Variants in TRAPPC9 observed in about 807,000 individuals in gnomAD.
TRAPPC9 encodes IKK2 binding protein.
In TRAPPC9, 83 loss-of-function variants were observed where a neutral mutation model predicts 124.0. That is an observed-to-expected ratio of 0.67 (90% CI 0.56 to 0.80). The LOEUF is 0.80. Among genes scored for constraint, TRAPPC9 ranks in the 30% least tolerant of loss-of-function variants. The probability of loss-of-function intolerance (pLI) is 0.00; values close to 1 mark genes in which losing one functional copy is unlikely to be tolerated. For synonymous variants in TRAPPC9, 638 were observed against 617.5 expected (o/e 1.03, Z -0.49); for missense variants, 1,302 against 1,508.3 (o/e 0.86, Z 2.27).
intron 21 of TRAPPC9, among the ~76,000 whole-genome samples, chr8:139,855,726 G>A (rs1212448770): frequency 6.6e-6 from 1 of 152,204 alleles, no homozygotes; most frequent in African/African-American, 2.4e-5. Flanking sequence ...GCGGCATGTG[G>A]GGCATGTCCT....
intron 8 of TRAPPC9, among the ~76,000 whole-genome samples, chr8:140,368,899 T>TA: frequency 6.6e-6 from 1 of 152,144 alleles, no homozygotes; most frequent in Non-Finnish European, 1.5e-5. Flanking sequence ...TAAAAATAAA[T>TA]AAATGATTTC....
intron 16 of TRAPPC9, among the ~76,000 whole-genome samples, chr8:140,232,064 G>A (rs1028919737): frequency 7.9e-5 from 12 of 151,988 alleles, no homozygotes; most frequent in East Asian, 5.8e-4. Context: ...GTGAGCCACT[G>A]TGCCCAGCCT....
chr8:139,819,611 A>G lies in TRAPPC9; in HGVS notation c.3055+66268T>C, dbSNP rs535088325. Among the ~76,000 whole-genome samples the G allele has an allele frequency of 2.4e-4, 37 of 152,344 alleles. 1 individual carries two copies. Among genetic ancestry groups the G allele is most frequent in the Admixed American group, 1.4e-3 (21 of 15,308 alleles). On this transcript the variant is annotated intron_variant, in intron 21 of 22. Transcript: ENST00000438773. The stretch of plus-strand genomic sequence containing the variant: ...ATAGATAAATTCCACTGATGAGCAC[A>G]GGGCAAAAATTCTAAATGAAGCATT...
chr8:139,839,097 G>A (rs1424602978), intron 21 of TRAPPC9, among the ~76,000 whole-genome samples: 2 of 152,234 alleles, frequency 1.3e-5, no homozygotes, highest in Non-Finnish European at 2.9e-5. Context: ...CCCTCAGGGT[G>A]CATCTTTGGC....
intron 19 of TRAPPC9, among the ~76,000 whole-genome samples, chr8:139,916,776 G>T (rs1832161210): frequency 6.6e-6 from 1 of 152,242 alleles, no homozygotes; most frequent in African/African-American, 2.4e-5. Context: ...ACAGCGGATA[G>T]CCTCACCAGG....
intron 19 of TRAPPC9, chr8:139,932,829 G>A (rs1833273487): frequency 6.3e-6 from 2 of 317,356 alleles, no homozygotes; most frequent in Non-Finnish European, 1.2e-5. Flanking sequence ...TCGTTGACAT[G>A]TAATGTAAGA....
intron 21 of TRAPPC9, among the ~76,000 whole-genome samples, chr8:139,881,722 T>C (rs1029391681): frequency 7.8e-5 from 11 of 141,094 alleles, no homozygotes; most frequent in Non-Finnish European, 1.4e-4. Flanking sequence ...TAACCATCTC[T>C]CTATGCCATG....
chr8:140,415,340 G>A (rs1018567175), intron 5 of TRAPPC9, among the ~76,000 whole-genome samples: 2 of 151,848 alleles, frequency 1.3e-5, no homozygotes, highest in East Asian at 1.9e-4. Flanking sequence ...GATCACTTGC[G>A]GTCAGGAGTT....
intron 7 of TRAPPC9, among the ~76,000 whole-genome samples, chr8:140,376,553 TAAAAAAAAAAAA>T (rs34319639): frequency 5.0e-4 from 25 of 49,764 alleles, no homozygotes; most frequent in South Asian, 1.4e-3. Context: ...AGACTCCATC[TAAAAAAAAAAAA>T]AAAAAAAAAA....
At chr8:140,045,757 G>A (rs1390218325) in intron 17 of TRAPPC9, among the ~76,000 whole-genome samples, 1 of 151,292 alleles carries the variant, frequency 6.6e-6, no homozygotes, top group Admixed American at 6.6e-5. Flanking sequence ...AACCCACAGT[G>A]TCCAAGGAGG....
intron 15 of TRAPPC9, among the ~76,000 whole-genome samples, chr8:140,254,743 T>A (rs565226484): frequency 6.6e-6 from 1 of 152,324 alleles, no homozygotes; most frequent in African/African-American, 2.4e-5. Context: ...GTCTTCGGTC[T>A]GAATAAGGAG....
chr8:139,946,529 T>C (rs12114317), intron 19 of TRAPPC9, among the ~76,000 whole-genome samples: 2,887 of 152,232 alleles, frequency 0.019, 109 homozygotes, highest in African/African-American at 0.066. Context: ...TTACCATGAA[T>C]GCTTATAGAG....
chr8:140,010,065 T>A (rs1839021548), intron 18 of TRAPPC9, among the ~76,000 whole-genome samples: 1 of 152,202 alleles, frequency 6.6e-6, no homozygotes, highest in Non-Finnish European at 1.5e-5. Context: ...AATCTAGAAA[T>A]TACTTATGAC....
intron 11 of TRAPPC9, among the ~76,000 whole-genome samples, chr8:140,296,508 C>T (rs1288920084): frequency 6.6e-6 from 1 of 152,204 alleles, no homozygotes; most frequent in African/African-American, 2.4e-5. Context: ...TCAAGCAATC[C>T]ACCAGCCTCA....
intron 19 of TRAPPC9, among the ~76,000 whole-genome samples, chr8:139,918,601 T>A (rs1032403942): frequency 1.8e-4 from 27 of 152,326 alleles, no homozygotes; most frequent in Admixed American, 1.6e-3. Context: ...GACACCGCCT[T>A]CCCCGAGCAG....
At chr8:139,997,164 T>G (rs1838054449) in intron 18 of TRAPPC9, among the ~76,000 whole-genome samples, 1 of 152,096 alleles carries the variant, frequency 6.6e-6, no homozygotes, top group Non-Finnish European at 1.5e-5. Context: ...AGGGAAACAA[T>G]GAATTCTACA....
chr8:140,372,283 C>T (rs933514300), intron 7 of TRAPPC9, among the ~76,000 whole-genome samples: 1 of 152,206 alleles, frequency 6.6e-6, no homozygotes, highest in African/African-American at 2.4e-5. Context: ...CCCTCCTCTG[C>T]CCTGGACGAT....
At chr8:140,098,481 C>T (rs1432125103) in intron 17 of TRAPPC9, 2 of 152,230 alleles carry the variant, frequency 1.3e-5, no homozygotes, top group Non-Finnish European at 2.9e-5. Context: ...CAGGGTTCTC[C>T]GCTGCCATCC....
chr8:140,364,292 CAAA>C (rs34616334), intron 8 of TRAPPC9, among the ~76,000 whole-genome samples: 8 of 53,032 alleles, frequency 1.5e-4, no homozygotes, highest in Non-Finnish European at 2.1e-4. Flanking sequence ...TCAAAGGATG[CAAA>C]AAAAAAAAAA....
Sources: gnomAD v4.1 joint callset for allele counts (sites outside exome capture counted in the v4.1 genomes callset) on GRCh38, gnomAD v4.1.1 for gene constraint, MANE v1.5 for transcripts, NCBI Gene and HGNC (gene_info 2026-07-23, HGNC 2026-07-21) for gene names.